THOC5: variants seen among roughly 807,000 people sequenced by gnomAD.
The protein encoded by THOC5 is Fms-interacting protein.
Under a neutral mutation model 92.9 loss-of-function variants are expected in THOC5, and 43 were observed. That is an observed-to-expected ratio of 0.46 (90% CI 0.36 to 0.60). The LOEUF (loss-of-function observed/expected upper bound fraction) is 0.60. THOC5 is among the 20% of genes least tolerant of loss of function. The pLI is 0.00. For missense variants in THOC5, 659 were observed against 849.4 expected, an observed-to-expected ratio of 0.78 and a Z score of 2.79; for synonymous variants, 296 against 320.1, an observed-to-expected ratio of 0.92 and a Z score of 0.80.
chr22:29,542,126 A>C (rs1042841352), intron 5 of THOC5, among the ~76,000 whole-genome samples: 1 of 151,894 alleles, frequency 6.6e-6, no homozygotes, highest in African/African-American at 2.4e-5. Flanking sequence ...AAGGCAGCTA[A>C]GCAGCAAGAA....
chr22:29,538,800 G>GAAAAAAAAAAAAAAAAAAAAAA (rs1491105374), intron 6 of THOC5, among the ~76,000 whole-genome samples: 1 of 32,988 alleles, frequency 3.0e-5, no homozygotes, highest in African/African-American at 1.1e-4. Context: ...CCATCTCTTT[G>GAAAAAAAAAAAAAAAAAAAAAA]GAAAAAAAAA....
At chr22:29,553,360 C>T (rs2064218486) in intron 1 of THOC5, 1 of 153,138 alleles carries the variant, frequency 6.5e-6, no homozygotes, top group African/African-American at 2.4e-5. Flanking sequence ...ACTTTGGCAA[C>T]ACAGTAGAGT....
rs2063537654 is a variant in THOC5, at chr22:29,526,075, C to T, written c.1067-129G>A. The T allele has an allele frequency of 4.7e-6, 3 of 639,802 alleles. No individual in the cohort carries two copies. The African/African-American group carries it at 5.4e-5, about 11-fold the overall frequency. The allele number at this position is 639,802 out of a possible 1,614,324, so 39.6% of individuals were successfully genotyped here. On this transcript the variant is annotated intron_variant, in intron 11 of 19. Coordinates refer to ENST00000490103, the MANE Select transcript of THOC5 (RefSeq NM_003678.5). ...TAACTACTAGGTATTATGCCCACTA[C>T]CTAGGTGACGGGATCATTCATACCC...
At chr22:29,528,023 C>G in intron 11 of THOC5, 55 bp downstream of exon 11, 2 of 1,566,690 alleles carry the variant, frequency 1.3e-6, no homozygotes, top group Admixed American at 3.4e-5. Context: ...GCACCTGCAG[C>G]TGGGTGAACT....
At chr22:29,550,591 T>C (rs968476625) in intron 1 of THOC5, 3 of 152,116 alleles carry the variant, frequency 2.0e-5, no homozygotes, top group Non-Finnish European at 4.4e-5. Context: ...AGCCAATAGT[T>C]TGTCACGGTA....
chr22:29,541,893 A>AAAAAAAT (rs2063903112), intron 5 of THOC5, among the ~76,000 whole-genome samples: 1 of 74,172 alleles, frequency 1.3e-5, no homozygotes, highest in African/African-American at 6.9e-5. Flanking sequence ...AAAAAAAAAA[A>AAAAAAAT]ATATATATAT....
chr22:29,544,881 C>T (rs1468740448), intron 2 of THOC5, among the ~76,000 whole-genome samples: 8 of 152,126 alleles, frequency 5.3e-5, no homozygotes, highest in South Asian at 2.1e-4. Context: ...CCTATAATTT[C>T]GCCTCTCAGT....
Position 29,528,089 on chromosome 22 carries a change from A to T in THOC5, c.1055T>A (p.Leu352Gln). The T allele has an allele frequency of 6.2e-7, 1 of 1,614,240 alleles. No homozygotes were observed. Among genetic ancestry groups the T allele is most frequent in the Non-Finnish European group, 8.5e-7 (1 of 1,180,038 alleles). The part of the protein sequence containing the change: ...KRHPLSVMLD[L>Q]KCKDDSVLHL... ...GAGTGCAACCAGACCTTTGCACTTC[A>T]GGTCGAGCATGACAGACAGTGGGTG... is the stretch of plus-strand genomic sequence containing the variant. Residue 352 changes from leucine to glutamine, a missense_variant, in exon 11 of 20, where the codon CTG becomes CAG. Physicochemically the swap from Leu to Gln is moderately radical, Grantham distance 113. Coordinates refer to ENST00000490103, the MANE Select transcript of THOC5 (RefSeq NM_003678.5).
intron 7 of THOC5, chr22:29,536,249 C>T: frequency 5.4e-6 from 1 of 183,848 alleles, no homozygotes; most frequent in East Asian, 1.5e-4. Flanking sequence ...ATCTGCTGAG[C>T]AGTCTGACCC....
At chr22:29,527,991 G>T in intron 11 of THOC5, 87 bp downstream of exon 11, 3 of 1,227,214 alleles carry the variant, frequency 2.4e-6, no homozygotes, top group Non-Finnish European at 3.5e-6. Flanking sequence ...GGGCAAATGG[G>T]TGTTTGGCTC....
chr22:29,533,623 A>C (rs1444819341), intron 7 of THOC5, among the ~76,000 whole-genome samples: 2 of 152,186 alleles, frequency 1.3e-5, no homozygotes, highest in Admixed American at 1.3e-4. Context: ...AAAAGGCAGG[A>C]GGTTACAGAA....
chr22:29,538,801 GAAAAAAAAAAAAAA>G (rs1377166309), intron 6 of THOC5, among the ~76,000 whole-genome samples: 1 of 91,962 alleles, frequency 1.1e-5, no homozygotes, highest in Non-Finnish European at 2.1e-5. Flanking sequence ...CATCTCTTTG[GAAAAAAAAAAAAAA>G]AAAAAAAAAA....
intron 2 of THOC5, 105 bp downstream of exon 2, chr22:29,548,947 A>G (rs2064084130): frequency 9.7e-7 from 1 of 1,028,742 alleles, no homozygotes; most frequent in African/African-American, 1.6e-5. Context: ...GCCACCAAAA[A>G]GTTGTACCTG....
chr22:29,544,568 A>C lies in THOC5; in HGVS notation c.132T>G (p.Asp44Glu), dbSNP rs748998599. 4 of 1,613,586 alleles carry C rather than the reference A, an allele frequency of 2.5e-6. No individual in the cohort carries two copies. In the Admixed American group the frequency reaches 6.7e-5, roughly 27 times the overall value. ...GKYYSEEAEV[D>E]LRDPGRDYEL... ...CATAGTCTCTGCCAGGGTCCCGCAG[A>C]TCCACCTCGGCCTCCTCACTGTAGT... The change falls in exon 3 of 20, where the codon GAT becomes GAG. Residue 44 changes from aspartate to glutamate, a missense_variant. Asp to Glu is a conservative substitution (Grantham distance 45, BLOSUM62 2). Coordinates refer to ENST00000490103, the MANE Select transcript of THOC5 (RefSeq NM_003678.5).
chr22:29,533,035 C>G (rs1185280924), intron 7 of THOC5, among the ~76,000 whole-genome samples: 1 of 152,056 alleles, frequency 6.6e-6, no homozygotes, highest in Non-Finnish European at 1.5e-5. Context: ...ACACAAAAAC[C>G]TGAGAAATGA....
chr22:29,516,776 A>G (rs1305608955), intron 17 of THOC5, among the ~76,000 whole-genome samples: 1 of 152,196 alleles, frequency 6.6e-6, no homozygotes, highest in Non-Finnish European at 1.5e-5. Context: ...GCTTGCAACT[A>G]AGCCTGAATT....
rs201935641 is a variant in THOC5, at chr22:29,531,229, G to A, written c.847+602C>T. 236 of 1,048,870 alleles carry A rather than the reference G, an allele frequency of 2.3e-4. 3 individuals are homozygous for A. In the East Asian group the frequency reaches 0.021, roughly 93 times the overall value. 65.0% of individuals were successfully genotyped at this position (1,048,870 alleles called of 1,614,324 possible). Reference sequence around the variant, plus strand: ...GGTGGGAGGAGAAGCAAGCACTGGTGCGGTGTATGTCTGTCTGATGAGGTG... The same window carrying A: ...GGTGGGAGGAGAAGCAAGCACTGGTACGGTGTATGTCTGTCTGATGAGGTG... On this transcript the variant is annotated intron_variant, in intron 8 of 19. Coordinates refer to ENST00000490103, the MANE Select transcript of THOC5 (RefSeq NM_003678.5).
intron 8 of THOC5, chr22:29,531,471 C>A: frequency 8.7e-6 from 9 of 1,032,022 alleles, no homozygotes; most frequent in Non-Finnish European, 9.3e-6. Flanking sequence ...CTGTATTCAC[C>A]AGGCACCCCC....
At chr22:29,542,724 A>G (rs2063924040) in intron 5 of THOC5, 135 bp downstream of exon 5, 1 of 528,618 alleles carries the variant, frequency 1.9e-6, no homozygotes, top group Middle Eastern at 2.9e-4. Flanking sequence ...AGATTGCGCC[A>G]CTGCACTCCA....
Sources: gnomAD v4.1 joint callset for allele counts (sites outside exome capture counted in the v4.1 genomes callset) on GRCh38, gnomAD v4.1.1 for gene constraint, MANE v1.5 for transcripts, NCBI Gene and HGNC (gene_info 2026-07-23, HGNC 2026-07-21) for gene names.